CORIN: variants seen among roughly 807,000 people sequenced by gnomAD.
CORIN encodes atrial natriuretic peptide-converting enzyme.
A neutral mutation model predicts 125.3 loss-of-function variants in CORIN; 117 were observed. That is an observed-to-expected ratio of 0.93 (90% CI 0.80 to 1.09). CORIN has a LOEUF of 1.09. CORIN is among the 50% of genes least tolerant of loss of function. The probability of loss-of-function intolerance (pLI) is 0.00; values close to 1 mark genes in which losing one functional copy is unlikely to be tolerated. For synonymous variants in CORIN, 450 were observed against 466.4 expected, an observed-to-expected ratio of 0.96 and a Z score of 0.45; for missense variants, 1,253 against 1,306.7, an observed-to-expected ratio of 0.96 and a Z score of 0.63.
rs981988202 is a variant in CORIN, at chr4:47,713,192, G to T, written c.800-20109C>A. ...AGGTGTGGAGAAAAATCTGCCAAGA[G>T]ATGAAGCCAAGAAGTCAGATTGTTA... On this transcript the variant is annotated intron_variant, in intron 5 of 21. Transcript: ENST00000273857. Among the ~76,000 whole-genome samples the T allele has an allele frequency of 1.3e-5, 2 of 152,188 alleles. 1 individual carries two copies. Among genetic ancestry groups the T allele is most frequent in the Non-Finnish European group, 2.9e-5 (2 of 68,026 alleles).
In CORIN at chr4:47,775,367, C is replaced by A. The variant is rs113696888; in HGVS notation, c.409+11358G>T. On this transcript the variant is annotated intron_variant, in intron 3 of 21. Coordinates refer to ENST00000273857, the MANE Select transcript of CORIN (RefSeq NM_006587.4). ...ATATCTCCTAATGCTATCTCTCCCCCCTCCTCCCACCCCACGACGGGCCCC... is the reference window on the plus strand; with the variant it reads ...ATATCTCCTAATGCTATCTCTCCCCACTCCTCCCACCCCACGACGGGCCCC... Among the ~76,000 whole-genome samples, 236 of 152,184 alleles carry A rather than the reference C, an allele frequency of 1.6e-3. 2 individuals carry two copies. The highest frequency in any genetic ancestry group is 5.3e-3 in the African/African-American group (220 of 41,508).
At chr4:47,782,855 T>C (rs1490576999) in intron 3 of CORIN, among the ~76,000 whole-genome samples, 2 of 151,622 alleles carry the variant, frequency 1.3e-5, no homozygotes, top group Non-Finnish European at 2.9e-5. Flanking sequence ...AGAAAATCCA[T>C]AGAGATTGAA....
chr4:47,697,861 G>A (rs1560510269), intron 5 of CORIN, among the ~76,000 whole-genome samples: 2 of 152,032 alleles, frequency 1.3e-5, no homozygotes, highest in South Asian at 4.1e-4. Context: ...TAGAAGTACA[G>A]TATTTCCATT....
At chr4:47,735,288 C>T (rs1347187060) in intron 5 of CORIN, among the ~76,000 whole-genome samples, 2 of 152,086 alleles carry the variant, frequency 1.3e-5, no homozygotes, top group East Asian at 1.9e-4. Context: ...ATCCTGTTTA[C>T]CCATAAAGCA....
At chr4:47,730,119 C>T (rs895149322) in intron 5 of CORIN, among the ~76,000 whole-genome samples, 3 of 152,128 alleles carry the variant, frequency 2.0e-5, no homozygotes, top group Non-Finnish European at 4.4e-5. Flanking sequence ...CCTGCCCTTG[C>T]GATAGGGCAG....
chr4:47,816,259 C>A (rs752573467), intron 1 of CORIN, among the ~76,000 whole-genome samples: 7 of 152,176 alleles, frequency 4.6e-5, no homozygotes, highest in Non-Finnish European at 8.8e-5. Context: ...GCAGCAATTT[C>A]TTTCTGAATA....
intron 3 of CORIN, among the ~76,000 whole-genome samples, chr4:47,772,670 C>A (rs895219443): frequency 6.6e-6 from 1 of 152,080 alleles, no homozygotes. Context: ...TATCAGTTTC[C>A]TCATCTGTAA....
chr4:47,774,805 G>A (rs1193470954), intron 3 of CORIN, among the ~76,000 whole-genome samples: 1 of 152,094 alleles, frequency 6.6e-6, no homozygotes, highest in African/African-American at 2.4e-5. Flanking sequence ...CATATGATAT[G>A]GTATGCATGA....
At chr4:47,708,568 G>A (rs181496930) in intron 5 of CORIN, among the ~76,000 whole-genome samples, 3 of 152,166 alleles carry the variant, frequency 2.0e-5, no homozygotes, top group African/African-American at 7.2e-5. Context: ...CTTTGGGGGG[G>A]TCATTATTCT....
chr4:47,674,387 A>G lies in CORIN; in HGVS notation c.1357+6T>C. On this transcript the variant is annotated splice_donor_region_variant and intron_variant, in intron 10 of 21. Transcript: ENST00000273857. The stretch of plus-strand genomic sequence containing the variant: ...GGCTATTGCATTTGTCAGCTGTTGT[A>G]CTTACTACAGTTATTCAGACTGTTG... The G allele has an allele frequency of 6.3e-7, 1 of 1,581,582 alleles. No homozygotes were observed. The highest frequency in any genetic ancestry group is 1.3e-5 in the African/African-American group (1 of 74,294).
chr4:47,691,307 C>T (rs959158599), intron 6 of CORIN, among the ~76,000 whole-genome samples: 3 of 152,168 alleles, frequency 2.0e-5, no homozygotes, highest in Admixed American at 1.3e-4. Flanking sequence ...AATTGGATAT[C>T]GTTACATTGA....
intron 3 of CORIN, among the ~76,000 whole-genome samples, chr4:47,769,166 A>C (rs1310308227): frequency 1.3e-5 from 2 of 152,218 alleles, no homozygotes; most frequent in Non-Finnish European, 1.5e-5. Context: ...CAGTTGTTTC[A>C]ATCAGAAATG....
At chr4:47,626,250 A>C (rs1722558578) in intron 17 of CORIN, among the ~76,000 whole-genome samples, 155 bp downstream of exon 17, 1 of 152,216 alleles carries the variant, frequency 6.6e-6, no homozygotes. Context: ...AAAAGCAACC[A>C]ATGTTGAAAT....
rs191926353 is a variant in CORIN, at chr4:47,604,404, A to G, written c.2541-736T>C. On this transcript the variant is annotated intron_variant, in intron 19 of 21. Coordinates refer to ENST00000273857, the MANE Select transcript of CORIN (RefSeq NM_006587.4). ...TAGTCCAATGGTTTTAAATCCCACCATACGCTGGTGACCCCAAATGTATAT... is the reference window on the plus strand; with the variant it reads ...TAGTCCAATGGTTTTAAATCCCACCGTACGCTGGTGACCCCAAATGTATAT... Among the ~76,000 whole-genome samples, 13 of 152,236 alleles carry G rather than the reference A, an allele frequency of 8.5e-5. No homozygotes were observed. The East Asian group carries it at 2.1e-3, about 25-fold the overall frequency.
intron 10 of CORIN, among the ~76,000 whole-genome samples, chr4:47,673,403 T>C (rs1019378031): frequency 1.3e-5 from 2 of 150,888 alleles, no homozygotes; most frequent in African/African-American, 4.9e-5. Context: ...GAATATCCTC[T>C]TGCCAACTGA....
At chr4:47,690,307 C>T (rs779767452) in intron 6 of CORIN, among the ~76,000 whole-genome samples, 8 of 152,140 alleles carry the variant, frequency 5.3e-5, no homozygotes, top group African/African-American at 1.2e-4. Context: ...TCAAATTTAG[C>T]GAATCATGGG....
rs3840305 is a variant in CORIN at position 47,644,126 on chromosome 4, GTC to G, written c.1958-872_1958-871del. 6.5e-3 allele frequency among the ~76,000 whole-genome samples: 986 copies of G among 152,302 alleles called. 26 individuals carry two copies. The East Asian group carries it at 0.083, about 13-fold the overall frequency. ...TGCAGTTCAGCTGTTTGTAGGAAGT[GTC>G]TTTTCTAACTACACAAAGACTCCTG... On this transcript the variant is annotated intron_variant, in intron 14 of 21. Coordinates refer to ENST00000273857, the MANE Select transcript of CORIN (RefSeq NM_006587.4).
At chr4:47,666,686 A>C (rs1256603974) in intron 10 of CORIN, among the ~76,000 whole-genome samples, 1 of 152,138 alleles carries the variant, frequency 6.6e-6, no homozygotes, top group Non-Finnish European at 1.5e-5. Flanking sequence ...AGGAGAAGAG[A>C]CTAAAGCTCT....
chr4:47,751,705 C>T (rs1382274856), intron 4 of CORIN, among the ~76,000 whole-genome samples: 3 of 152,206 alleles, frequency 2.0e-5, no homozygotes, highest in Non-Finnish European at 4.4e-5. Context: ...AAACTGATCA[C>T]ATTTTACAGC....
Sources: gnomAD v4.1 joint callset for allele counts (sites outside exome capture counted in the v4.1 genomes callset) on GRCh38, gnomAD v4.1.1 for gene constraint, MANE v1.5 for transcripts, NCBI Gene and HGNC (gene_info 2026-07-23, HGNC 2026-07-21) for gene names.